LRTM3: variants seen among roughly 807,000 people sequenced by gnomAD.
The protein encoded by LRTM3 is leucine-rich repeat transmembrane protein 3.
chr13:102,751,342 T>TACACAC, the LRTM3 span, among the ~76,000 whole-genome samples: 2,219 of 142,076 alleles, frequency 0.016, 29 homozygotes, highest in African/African-American at 0.028. Context: ...TCTCTCTTTA[T>TACACAC]ACACACACAC....
chr13:102,729,781 G>A, the LRTM3 span: 1 of 1,551,778 alleles, frequency 6.4e-7, no homozygotes, highest in South Asian at 1.2e-5. Context: ...TCTTCTTTCT[G>A]TCACGTTTCC....
the LRTM3 span, chr13:102,749,631 G>A: frequency 3.2e-6 from 5 of 1,551,284 alleles, no homozygotes; most frequent in Non-Finnish European, 4.4e-6. Flanking sequence ...AAGGAGTCTT[G>A]TGTGCTGCTA....
chr13:102,741,480 A>G, the LRTM3 span: 46 of 1,549,512 alleles, frequency 3.0e-5, no homozygotes, highest in Non-Finnish European at 4.0e-5. Context: ...GTTTCCTTTA[A>G]TCCTTCTTTT....
the LRTM3 span, chr13:102,736,209 A>G: frequency 5.2e-6 from 8 of 1,548,734 alleles, no homozygotes; most frequent in Admixed American, 2.0e-5. Context: ...GAAGGCATGA[A>G]TGGATGAGTT....
the LRTM3 span, chr13:102,729,488 G>T: frequency 1.4e-6 from 2 of 1,458,786 alleles, no homozygotes; most frequent in South Asian, 1.5e-5. Flanking sequence ...CCCCGAGAGC[G>T]ACCCCAACAA....
chr13:102,737,368 A>G, the LRTM3 span: 1 of 1,550,826 alleles, frequency 6.4e-7, no homozygotes, highest in East Asian at 2.4e-5. Context: ...TGTTCAATTC[A>G]TAACAAGTTA....
the LRTM3 span, chr13:102,743,507 T>C: frequency 6.5e-7 from 1 of 1,548,760 alleles, no homozygotes; most frequent in Non-Finnish European, 8.7e-7. Flanking sequence ...TGGTTTCTTT[T>C]CCTTCATAGT....
At chr13:102,744,956 C>T in the LRTM3 span, 2 of 1,550,700 alleles carry the variant, frequency 1.3e-6, no homozygotes, top group Non-Finnish European at 8.7e-7. Flanking sequence ...TTTTATTGCA[C>T]CAGTTAAAAC....
the LRTM3 span, chr13:102,745,176 C>T: frequency 1.9e-6 from 3 of 1,550,848 alleles, no homozygotes; most frequent in South Asian, 3.6e-5. Context: ...AGATCCTTCC[C>T]CTGACCTGAA....
At chr13:102,758,403 C>T in the LRTM3 span, 1 of 1,521,750 alleles carries the variant, frequency 6.6e-7, no homozygotes, top group Non-Finnish European at 8.9e-7. Context: ...TGTGATATAT[C>T]ACATACCTTT....
the LRTM3 span, among the ~76,000 whole-genome samples, chr13:102,756,696 C>CAAAAAAAAAAAAAAAAAAAAAA: frequency 9.4e-6 from 1 of 106,554 alleles, no homozygotes; most frequent in Non-Finnish European, 1.8e-5. Context: ...AAAAAAAAAA[C>CAAAAAAAAAAAAAAAAAAAAAA]AAAAAAACAA....
the LRTM3 span, chr13:102,734,000 G>C: frequency 6.4e-7 from 1 of 1,551,308 alleles, no homozygotes. Context: ...TTTGTTCCCT[G>C]AATCCAGATA....
At chr13:102,755,130 C>A in the LRTM3 span, among the ~76,000 whole-genome samples, 1 of 152,168 alleles carries the variant, frequency 6.6e-6, no homozygotes, top group Non-Finnish European at 1.5e-5. Flanking sequence ...ATTTCAGATA[C>A]TGAGTGGTGG....
the LRTM3 span, chr13:102,739,531 T>G: frequency 1.9e-6 from 3 of 1,550,298 alleles, no homozygotes; most frequent in African/African-American, 4.1e-5. Context: ...TACACAAGTT[T>G]GTCAGTTTCA....
chr13:102,746,316 G>C, the LRTM3 span: 2 of 1,550,874 alleles, frequency 1.3e-6, no homozygotes, highest in South Asian at 2.4e-5. Context: ...TTTCCATCTT[G>C]CAATTTTTCC....
the LRTM3 span, chr13:102,738,099 C>A: frequency 2.6e-5 from 40 of 1,550,886 alleles, no homozygotes; most frequent in Non-Finnish European, 3.5e-5. Flanking sequence ...TGCTCCTGAG[C>A]TTCTTGATCC....
At chr13:102,748,977 G>T in the LRTM3 span, 1 of 1,550,694 alleles carries the variant, frequency 6.4e-7, no homozygotes, top group Non-Finnish European at 8.7e-7. Context: ...TGCAGAAAAT[G>T]TCCACATTTT....
At chr13:102,739,366 G>A in the LRTM3 span, 11 of 1,549,580 alleles carry the variant, frequency 7.1e-6, no homozygotes, top group Admixed American at 3.9e-5. Context: ...TACTTAAACT[G>A]TCTCTATTAA....
the LRTM3 span, chr13:102,758,873 T>A: frequency 9.0e-6 from 14 of 1,550,304 alleles, no homozygotes; most frequent in East Asian, 3.4e-4. Flanking sequence ...ATGTCATGAA[T>A]GTATTATCTT....
Sources: gnomAD v4.1 joint callset for allele counts (sites outside exome capture counted in the v4.1 genomes callset) on GRCh38, gnomAD v4.1.1 for gene constraint, MANE v1.5 for transcripts, NCBI Gene and HGNC (gene_info 2026-07-23, HGNC 2026-07-21) for gene names.